The following FOXK1 variants were observed in gnomAD, a reference collection of about 807,000 sequenced individuals.
FOXK1 encodes the protein forkhead box protein K1.
In FOXK1, 19 loss-of-function variants were observed where a neutral mutation model predicts 51.9. The ratio of observed to expected loss-of-function variants is 0.37; its 90% CI spans 0.26 to 0.54. The LOEUF is 0.54. FOXK1 is among the 20% of genes least tolerant of loss of function. The probability of loss-of-function intolerance (pLI) is 0.87; values close to 1 mark genes in which losing one functional copy is unlikely to be tolerated. For synonymous variants in FOXK1, 537 were observed against 482.6 expected, an observed-to-expected ratio of 1.11 and a Z score of -1.48; for missense variants, 870 against 1,032.7, an observed-to-expected ratio of 0.84 and a Z score of 2.16.
chr7:4,705,042 G>T (rs1006298360), intron 1 of FOXK1, among the ~76,000 whole-genome samples: 1 of 151,992 alleles, frequency 6.6e-6, no homozygotes, highest in Middle Eastern at 3.4e-3. Context: ...CTGTTGGCCA[G>T]GCTGGTCTCG....
chr7:4,712,655 C>G (rs2115042160), intron 1 of FOXK1, among the ~76,000 whole-genome samples: 1 of 152,244 alleles, frequency 6.6e-6, no homozygotes, highest in East Asian at 1.9e-4. Context: ...TTTAAGTGTA[C>G]CAGCGATCAG....
At position 4,722,181 on chromosome 7, in the gene FOXK1, G is replaced by C. The variant is rs1237830800; in HGVS notation, c.561-18657G>C. Among the ~76,000 whole-genome samples, 2 of 152,324 alleles carry C rather than the reference G, an allele frequency of 1.3e-5. No homozygotes were observed. Among genetic ancestry groups the C allele is most frequent in the East Asian group, 3.9e-4 (2 of 5,178 alleles). ...AGATGGCGGGGCAGGAGGTGTCTGT[G>C]TCTCAGCAGATGCTGGATTTCACGT... On this transcript the variant is annotated intron_variant, in intron 1 of 8. Coordinates refer to ENST00000328914, the MANE Select transcript of FOXK1 (RefSeq NM_001037165.2). The surrounding 1 kb of genome is among the most constrained non-coding windows in gnomAD (Gnocchi z 5.1).
chr7:4,769,775 T>C lies in FOXK1; in HGVS notation c.*7311T>C, dbSNP rs1489108738. On this transcript the variant is annotated 3_prime_UTR_variant, in exon 9 of 9. Coordinates refer to ENST00000328914, the MANE Select transcript of FOXK1 (RefSeq NM_001037165.2). The surrounding 1 kb of genome is among the most constrained non-coding windows in gnomAD (Gnocchi z 4.1). ...TTTTTTGCTCCTTACCCAGTTTTTG[T>C]TTTTTGTTGTTTTGTTTTGTTTTAG... The C allele has an allele frequency of 6.6e-6, 1 of 152,182 alleles. No homozygotes were observed. The highest frequency in any genetic ancestry group is 1.5e-5 in the Non-Finnish European group (1 of 68,052). The allele number at this position is 152,182 out of a possible 1,614,324, so 9.4% of individuals were successfully genotyped here.
chr7:4,736,769 C>T (rs1167945805), intron 1 of FOXK1, among the ~76,000 whole-genome samples: 1 of 152,188 alleles, frequency 6.6e-6, no homozygotes, highest in Non-Finnish European at 1.5e-5. Flanking sequence ...CTATTCCAAC[C>T]ATTCTGTTTT....
At position 4,768,743 on chromosome 7, in the gene FOXK1, G is replaced by C. The variant is rs1781053469; in HGVS notation, c.*6279G>C. The C allele has an allele frequency of 6.6e-6, 1 of 152,358 alleles. No homozygotes were observed. Among genetic ancestry groups the C allele is most frequent in the South Asian group, 2.1e-4 (1 of 4,832 alleles). The allele number at this position is 152,358 out of a possible 1,614,324, so 9.4% of individuals were successfully genotyped here. ...GCAAATCAGAAGGCCACGAGAGAGA[G>C]AGGAGCGGGGAGAGTGGTGAGGAGG... On this transcript the variant is annotated 3_prime_UTR_variant, in exon 9 of 9. Transcript: ENST00000328914.
chr7:4,705,517 TTCTCTCTCTCTC>T (rs56842360), intron 1 of FOXK1, among the ~76,000 whole-genome samples: 83 of 111,572 alleles, frequency 7.4e-4, no homozygotes, highest in Admixed American at 2.2e-3. Flanking sequence ...TTCCTTCTCT[TTCTCTCTCTCTC>T]TCTCTCTCTC....
Position 4,754,576 on chromosome 7 carries a change from G to A in FOXK1, c.864G>A (p.Ser288=), listed in dbSNP as rs150167314. Residue 288 remains serine (S), a synonymous_variant, in exon 3 of 9, where the codon TCG becomes TCA. Coordinates refer to ENST00000328914, the MANE Select transcript of FOXK1 (RefSeq NM_001037165.2). The part of the protein sequence containing the change: ...LAAEFAAKAA[S]EQQADTSGGD... ...CAGAGTTTGCAGCAAAGGCCGCGTC[G>A]GAGCAGCAGGCAGACACGTCTGGAG... The A allele has an allele frequency of 2.7e-5, 44 of 1,608,044 alleles. No homozygotes were observed. Among genetic ancestry groups the A allele is most frequent in the Non-Finnish European group, 3.1e-5 (36 of 1,180,016 alleles).
At chr7:4,684,984 C>G (rs1307368564) in intron 1 of FOXK1, among the ~76,000 whole-genome samples, 1 of 143,050 alleles carries the variant, frequency 7.0e-6, no homozygotes, top group South Asian at 2.3e-4. Context: ...GGGTGCATTA[C>G]CAGGCATTGT....
intron 1 of FOXK1, among the ~76,000 whole-genome samples, chr7:4,727,532 C>G (rs1388313837): frequency 6.6e-6 from 1 of 152,120 alleles, no homozygotes; most frequent in Admixed American, 6.5e-5. Context: ...CCAGGCTGGT[C>G]TTGAACTCCT....
Position 4,749,997 on chromosome 7 carries a change from G to C in FOXK1, c.747-4462G>C, listed in dbSNP as rs1257986112. Among the ~76,000 whole-genome samples the C allele has an allele frequency of 6.6e-6, 1 of 152,226 alleles. No homozygotes were observed. Among genetic ancestry groups the C allele is most frequent in the Admixed American group, 6.5e-5 (1 of 15,286 alleles). ...AGGCCCGGCCCCTGGATGCGGTGGA[G>C]GCTGCCCGGGGTGGGTCAGCATGGG... is the stretch of plus-strand genomic sequence containing the variant. On this transcript the variant is annotated intron_variant, in intron 2 of 8. Transcript: ENST00000328914. This position sits in a 1 kb window ranked among gnomAD's most constrained non-coding sequence, Gnocchi z 6.0.
intron 1 of FOXK1, among the ~76,000 whole-genome samples, chr7:4,694,278 C>T (rs1307749213): frequency 6.6e-6 from 1 of 151,996 alleles, no homozygotes; most frequent in African/African-American, 2.4e-5. Flanking sequence ...TACTTTGGAA[C>T]ATTTACATCA....
At chr7:4,712,948 G>T (rs927017982) in intron 1 of FOXK1, among the ~76,000 whole-genome samples, 4 of 152,160 alleles carry the variant, frequency 2.6e-5, no homozygotes, top group African/African-American at 7.2e-5. Flanking sequence ...GACTTCTGCA[G>T]AACTCCAAAC....
chr7:4,757,210 C>A (rs974807898), intron 5 of FOXK1, 23 bp downstream of exon 5: 3 of 1,564,862 alleles, frequency 1.9e-6, no homozygotes, highest in Non-Finnish European at 2.6e-6. Context: ...GAGCGCCCGT[C>A]CTCCAGCTGT....
chr7:4,744,769 C>A (rs1172331684), intron 2 of FOXK1, among the ~76,000 whole-genome samples: 1 of 152,242 alleles, frequency 6.6e-6, no homozygotes, highest in African/African-American at 2.4e-5. Context: ...GGTGGGGGGC[C>A]ACCCCTTTCC....
At position 4,762,224 on chromosome 7, in the gene FOXK1, T is replaced by C; in HGVS notation, c.1962T>C (p.Ser654=). 2.6e-6 allele frequency: 4 copies of C among 1,555,222 alleles called. No individual in the cohort carries two copies. The highest frequency in any genetic ancestry group is 3.5e-6 in the Non-Finnish European group (4 of 1,148,800). The change falls in exon 9 of 9, where the codon AGT becomes AGC. Residue 654 remains serine, a synonymous_variant. Coordinates refer to ENST00000328914, the MANE Select transcript of FOXK1 (RefSeq NM_001037165.2). The surrounding 1 kb of genome is among the most constrained non-coding windows in gnomAD (Gnocchi z 5.7). ...SPLQLLATQA[S]SSAPVVVTRV... ...TGCAGCTCCTTGCGACCCAAGCGAG[T>C]TCATCCGCGCCGGTGGTGGTCACCC...
chr7:4,746,687 C>T (rs1363443488), intron 2 of FOXK1, among the ~76,000 whole-genome samples: 1 of 152,132 alleles, frequency 6.6e-6, no homozygotes, highest in African/African-American at 2.4e-5. Context: ...GACCCTGTCT[C>T]AAAAAATTAA....
chr7:4,685,479 G>C (rs1219815196), intron 1 of FOXK1, among the ~76,000 whole-genome samples: 1 of 150,794 alleles, frequency 6.6e-6, no homozygotes, highest in African/African-American at 2.4e-5. Flanking sequence ...TTCCCAAAGT[G>C]CTGGGATTAC....
chr7:4,762,362 C>A lies in FOXK1; in HGVS notation c.2100C>A (p.Pro700=), dbSNP rs1215011112. ...CCTCCGCCTCTTCCACTGGAGAGCC[C>A]GAGGTCAAAAGGTCCCGGGTGGAGG... ...ASASASSTGE[P]EVKRSRVEEP... The change falls in exon 9 of 9, where the codon CCC becomes CCA. Residue 700 remains proline, a synonymous_variant. Transcript: ENST00000328914. The surrounding 1 kb of genome is among the most constrained non-coding windows in gnomAD (Gnocchi z 5.7). 2.6e-6 allele frequency: 4 copies of A among 1,550,434 alleles called. No individual in the cohort carries two copies. Among genetic ancestry groups the A allele is most frequent in the Non-Finnish European group, 3.5e-6 (4 of 1,146,960 alleles).
In FOXK1 at chr7:4,761,032, A is replaced by T. The variant is rs746599430; in HGVS notation, c.1697-32A>T. On this transcript the variant is annotated intron_variant, in intron 7 of 8. Coordinates refer to ENST00000328914, the MANE Select transcript of FOXK1 (RefSeq NM_001037165.2). This position sits in a 1 kb window ranked among gnomAD's most constrained non-coding sequence, Gnocchi z 6.2. ...AGGAAATCGATTGTCTCGTTGGCCG[A>T]GTGTGGTGCTGACTTGGTTCCTGTC... is the stretch of plus-strand genomic sequence containing the variant. The T allele has an allele frequency of 3.2e-6, 5 of 1,586,004 alleles. No homozygotes were observed. Among genetic ancestry groups the T allele is most frequent in the Non-Finnish European group, 3.5e-6 (4 of 1,157,102 alleles).
Sources: gnomAD v4.1 joint callset for allele counts (sites outside exome capture counted in the v4.1 genomes callset) on GRCh38, gnomAD v4.1.1 for gene constraint, Gnocchi (gnomAD v3.1) non-coding constraint, MANE v1.5 for transcripts, NCBI Gene and HGNC (gene_info 2026-07-23, HGNC 2026-07-21) for gene names.